Variants in TMEM182 observed in about 807,000 individuals in gnomAD.
The protein encoded by TMEM182 is transmembrane protein 182.
In TMEM182, 20 loss-of-function variants were observed where a neutral mutation model predicts 26.8. The ratio of observed to expected loss-of-function variants is 0.75; its 90% CI spans 0.53 to 1.09. The LOEUF is 1.09. Among genes scored for constraint, TMEM182 ranks in the 50% least tolerant of loss-of-function variants. The pLI, the probability that TMEM182 is intolerant of heterozygous loss-of-function variation, is 0.00. For synonymous variants in TMEM182, 109 were observed against 102.2 expected, an observed-to-expected ratio of 1.07 and a Z score of -0.40; for missense variants, 277 against 275.5, an observed-to-expected ratio of 1.01 and a Z score of -0.04.
intron 3 of TMEM182, among the ~76,000 whole-genome samples, chr2:102,834,702 T>G (rs1253108131): frequency 1.3e-5 from 2 of 152,160 alleles, no homozygotes; most frequent in Non-Finnish European, 2.9e-5. Context: ...ACCACATATT[T>G]CACACCAGGA....
chr2:102,806,198 A>G (rs569543623), intron 4 of TMEM182, among the ~76,000 whole-genome samples: 1 of 151,880 alleles, frequency 6.6e-6, no homozygotes, highest in East Asian at 1.9e-4. Flanking sequence ...TTTCTGAGCC[A>G]TTTGTTTTCT....
rs1473366812 is a variant in TMEM182 at position 102,740,849 on chromosome 2, G to T, written c.-83+3836G>T. ...ACAGGTGAATGGATAAGCAATTGTG[G>T]TATAGCCATACAATTCAGTATAATT... is the stretch of plus-strand genomic sequence containing the variant. On this transcript the variant is annotated intron_variant, in intron 1 of 5. Transcript: ENST00000409173. 2.6e-5 allele frequency among the ~76,000 whole-genome samples: 4 copies of T among 152,244 alleles called. No individual in the cohort carries two copies. The East Asian group carries it at 5.8e-4, about 22-fold the overall frequency.
At chr2:102,818,323 A>G (rs73944436), downstream of TMEM182, among the ~76,000 whole-genome samples, 2,339 of 152,288 alleles carry the variant, frequency 0.015, 54 homozygotes, top group African/African-American at 0.053. Flanking sequence ...TACCTTAGAT[A>G]TGTTGAAAAC....
chr2:102,830,103 G>A (rs565361649), intron 3 of TMEM182, among the ~76,000 whole-genome samples: 47 of 152,328 alleles, frequency 3.1e-4, no homozygotes, highest in Non-Finnish European at 5.9e-4. Flanking sequence ...GTCTTCTGCA[G>A]TCTATGTGAT....
At chr2:102,821,668 T>A (rs1355420992), downstream of TMEM182, among the ~76,000 whole-genome samples, 2 of 152,198 alleles carry the variant, frequency 1.3e-5, no homozygotes, top group East Asian at 3.9e-4. Context: ...TGGTCCCCAC[T>A]CAGTCTCTCA....
intron 1 of TMEM182, among the ~76,000 whole-genome samples, chr2:102,742,272 GATA>G (rs1679566098): frequency 6.6e-6 from 1 of 152,090 alleles, no homozygotes; most frequent in Non-Finnish European, 1.5e-5. Context: ...CAGTAGATTG[GATA>G]TAACCAGGGA....
intron 3 of TMEM182, among the ~76,000 whole-genome samples, chr2:102,772,454 A>C (rs1680718663): frequency 6.6e-6 from 1 of 152,160 alleles, no homozygotes; most frequent in African/African-American, 2.4e-5. Context: ...GGGAGGCCTC[A>C]TGAACAGACG....
rs150221002 is a variant in TMEM182, at chr2:102,841,532, G to A, written c.326-1880G>A. Reference sequence around the variant, plus strand: ...GGTTCTTGAACCAAAACTGCAGACAGGCTCCGCAGCAATGACACGCAGCAG... The same window carrying A: ...GGTTCTTGAACCAAAACTGCAGACAAGCTCCGCAGCAATGACACGCAGCAG... On this transcript the variant is annotated intron_variant, in intron 3 of 3. Coordinates refer to the TMEM182 transcript ENST00000486293. Among the ~76,000 whole-genome samples, 140 of 152,298 alleles carry A rather than the reference G, an allele frequency of 9.2e-4. 1 individual carries two copies. The highest frequency in any genetic ancestry group is 2.8e-3 in the African/African-American group (115 of 41,564).
At chr2:102,739,705 C>G (rs990438068) in intron 1 of TMEM182, among the ~76,000 whole-genome samples, 12 of 152,304 alleles carry the variant, frequency 7.9e-5, no homozygotes, top group African/African-American at 2.6e-4. Context: ...GCAGATGCCT[C>G]CATGCTTCCT....
chr2:102,798,021 A>C (rs376484401), intron 4 of TMEM182, 21 bp downstream of exon 4: 2 of 1,586,328 alleles, frequency 1.3e-6, no homozygotes, highest in Non-Finnish European at 1.7e-6. Flanking sequence ...TGCAATGGGT[A>C]TGACTTTCAG....
intron 3 of TMEM182, among the ~76,000 whole-genome samples, chr2:102,771,195 A>G (rs1451884574): frequency 1.3e-5 from 2 of 152,118 alleles, no homozygotes; most frequent in Non-Finnish European, 2.9e-5. Flanking sequence ...TCCTTTTCCC[A>G]TAAATGTCAA....
rs1453744276 is a variant in TMEM182 at position 102,839,851 on chromosome 2, C to T, written c.326-3561C>T. On this transcript the variant is annotated intron_variant, in intron 3 of 3. Coordinates refer to the TMEM182 transcript ENST00000486293. Reference sequence around the variant, plus strand: ...AAGCCCAGCAATTCTACAAGGGAAGCACAGAAGGTTAGAGGATCCCTGATT... The same window carrying T: ...AAGCCCAGCAATTCTACAAGGGAAGTACAGAAGGTTAGAGGATCCCTGATT... Among the ~76,000 whole-genome samples the T allele has an allele frequency of 2.6e-5, 4 of 152,122 alleles. No homozygotes were observed. In the South Asian group the frequency reaches 8.3e-4, roughly 32 times the overall value.
chr2:102,821,455 GCT>G (rs1005658933), downstream of TMEM182, among the ~76,000 whole-genome samples: 3 of 151,960 alleles, frequency 2.0e-5, no homozygotes, highest in Non-Finnish European at 4.4e-5. Context: ...TCTTGCTCCC[GCT>G]CAGCCATGTG....
intron 4 of TMEM182, among the ~76,000 whole-genome samples, chr2:102,804,759 A>G (rs888253671): frequency 3.3e-5 from 5 of 152,210 alleles, no homozygotes; most frequent in African/African-American, 4.8e-5. Flanking sequence ...AAAGTAGTTA[A>G]TATAAACTAT....
Position 102,817,264 on chromosome 2 carries a change from A to T in TMEM182, c.*2296A>T. On this transcript the variant is annotated 3_prime_UTR_variant, in exon 5 of 5. Transcript: ENST00000412401. ...ATTTCTCTATTGGTTGTATTTATTA[A>T]TTTTTAGAAGCCTTTAAACTGTGTT... 1 of 985,294 alleles carries T rather than the reference A, an allele frequency of 1.0e-6. No homozygotes were observed. The highest frequency in any genetic ancestry group is 1.2e-6 in the Non-Finnish European group (1 of 829,784). 61.0% of individuals were successfully genotyped at this position (985,294 alleles called of 1,614,324 possible).
At chr2:102,777,518 C>A (rs749004834) in intron 3 of TMEM182, among the ~76,000 whole-genome samples, 5 of 152,068 alleles carry the variant, frequency 3.3e-5, no homozygotes, top group Non-Finnish European at 7.4e-5. Context: ...ACCAATACTA[C>A]AATTCCTTTG....
chr2:102,821,760 G>A (rs1300518071), downstream of TMEM182, among the ~76,000 whole-genome samples: 3 of 152,018 alleles, frequency 2.0e-5, no homozygotes, highest in South Asian at 2.1e-4. Flanking sequence ...AGGCTGAGGC[G>A]GGCAGATCAC....
upstream of TMEM182, among the ~76,000 whole-genome samples, chr2:102,760,683 C>T (rs1282363473): frequency 6.6e-6 from 1 of 151,950 alleles, no homozygotes; most frequent in East Asian, 1.9e-4. Flanking sequence ...GGCACGATCT[C>T]GGCTCACTGC....
At chr2:102,806,331 G>C (rs925217632) in intron 4 of TMEM182, among the ~76,000 whole-genome samples, 80 of 152,278 alleles carry the variant, frequency 5.3e-4, no homozygotes, top group African/African-American at 1.9e-3. Flanking sequence ...CGGTTGGCTT[G>C]ACTGGACACT....
Sources: allele counts gnomAD v4.1 joint callset (sites outside exome capture counted in the v4.1 genomes callset), GRCh38; gene constraint gnomAD v4.1.1; transcripts MANE v1.5; gene names NCBI Gene and HGNC (gene_info 2026-07-23, HGNC 2026-07-21).